The following SYNPO2 variants were observed in gnomAD, a reference collection of about 807,000 sequenced individuals.
The protein encoded by SYNPO2 is synaptopodin-2.
In SYNPO2, 56 loss-of-function variants were observed where a neutral mutation model predicts 85.0. The ratio of observed to expected loss-of-function variants is 0.66; its 90% confidence interval spans 0.53 to 0.82. The LOEUF is 0.82. SYNPO2 is among the 40% of genes least tolerant of loss of function. The pLI, the probability that SYNPO2 is intolerant of heterozygous loss-of-function variation, is 0.00. For missense variants in SYNPO2, 1,575 were observed against 1,534.2 expected (o/e 1.03, Z -0.44); for synonymous variants, 602 against 591.1 (o/e 1.02, Z -0.27).
At chr4:118,941,036 T>C (rs190786847) in intron 1 of SYNPO2, among the ~76,000 whole-genome samples, 46 of 152,278 alleles carry the variant, frequency 3.0e-4, no homozygotes, top group African/African-American at 1.1e-3. Flanking sequence ...GTAGAGCATC[T>C]CTCTTCCCTG....
At chr4:119,035,596 C>G (rs1445316708) in intron 4 of SYNPO2, 1 of 985,184 alleles carries the variant, frequency 1.0e-6, no homozygotes, top group Non-Finnish European at 1.2e-6. Flanking sequence ...TAACATATAT[C>G]AAGGCTTTGA....
At chr4:118,923,701 T>A (rs970459190) in intron 1 of SYNPO2, among the ~76,000 whole-genome samples, 1 of 152,076 alleles carries the variant, frequency 6.6e-6, no homozygotes, top group African/African-American at 2.4e-5. Context: ...AGAATGTAGA[T>A]CCTGGCTGTT....
Position 118,878,552 on chromosome 4 carries a change from G to A in SYNPO2, c.12+27612G>A, listed in dbSNP as rs56036404. Reference sequence around the variant, plus strand: ...AAGGATTGTAAACGCACCAATCCGCGCTCTGTGTCTAGCTAAAGGTTTGTA... The same window carrying A: ...AAGGATTGTAAACGCACCAATCCGCACTCTGTGTCTAGCTAAAGGTTTGTA... On this transcript the variant is annotated intron_variant, in intron 1 of 4. Transcript: ENST00000610556. Among the ~76,000 whole-genome samples the A allele has an allele frequency of 2.3e-3, 356 of 152,056 alleles. 1 individual carries two copies. Among genetic ancestry groups the A allele is most frequent in the African/African-American group, 6.8e-3 (284 of 41,468 alleles).
intron 4 of SYNPO2, among the ~76,000 whole-genome samples, chr4:119,040,012 T>C (rs1394988613): frequency 6.6e-6 from 1 of 152,184 alleles, no homozygotes; most frequent in Non-Finnish European, 1.5e-5. Context: ...AACAAAGGAT[T>C]CAGTCGCCCT....
intron 1 of SYNPO2, among the ~76,000 whole-genome samples, chr4:118,881,850 A>G (rs1356104450): frequency 6.6e-6 from 1 of 152,224 alleles, no homozygotes; most frequent in Non-Finnish European, 1.5e-5. Flanking sequence ...GGAGGTGCGC[A>G]TGTTTCATTC....
At chr4:118,988,423 G>C (rs1009353126) in intron 1 of SYNPO2, among the ~76,000 whole-genome samples, 4 of 152,048 alleles carry the variant, frequency 2.6e-5, no homozygotes, top group African/African-American at 9.7e-5. Context: ...AAAAGCAGAG[G>C]TTCCTAACAC....
At chr4:119,041,826 C>T (rs1738724160) in intron 4 of SYNPO2, among the ~76,000 whole-genome samples, 1 of 152,142 alleles carries the variant, frequency 6.6e-6, no homozygotes, top group Admixed American at 6.6e-5. Context: ...GATTTCCCCA[C>T]CTTAGAGATA....
At chr4:118,996,857 A>C (rs1331730536) in intron 1 of SYNPO2, among the ~76,000 whole-genome samples, 2 of 117,566 alleles carry the variant, frequency 1.7e-5, no homozygotes, top group Middle Eastern at 4.2e-3. Flanking sequence ...ACTCTGTCTC[A>C]AAAAAAAAAA....
At chr4:118,976,383 A>G (rs888019418) in intron 1 of SYNPO2, among the ~76,000 whole-genome samples, 3 of 152,192 alleles carry the variant, frequency 2.0e-5, no homozygotes, top group African/African-American at 7.2e-5. Context: ...AGCTCATAAA[A>G]GCAGCGTGGA....
chr4:118,962,962 C>T (rs1204391749), intron 1 of SYNPO2, among the ~76,000 whole-genome samples: 1 of 152,188 alleles, frequency 6.6e-6, no homozygotes, highest in East Asian at 1.9e-4. Context: ...AACTATACTG[C>T]AGCCACACAC....
intron 1 of SYNPO2, among the ~76,000 whole-genome samples, chr4:118,968,332 G>C (rs1306118719): frequency 1.3e-5 from 2 of 152,178 alleles, no homozygotes; most frequent in Non-Finnish European, 2.9e-5. Flanking sequence ...GTCTGGAGAC[G>C]AAATGTTTGA....
At chr4:118,851,594 T>C (rs1731421086) in intron 1 of SYNPO2, among the ~76,000 whole-genome samples, 1 of 152,228 alleles carries the variant, frequency 6.6e-6, no homozygotes, top group Non-Finnish European at 1.5e-5. Flanking sequence ...CAATTAAAAC[T>C]CATTGTTACA....
chr4:119,025,301 C>T (rs1451269949), intron 2 of SYNPO2, among the ~76,000 whole-genome samples: 1 of 152,152 alleles, frequency 6.6e-6, no homozygotes, highest in Non-Finnish European at 1.5e-5. Context: ...TTTTGGTACC[C>T]TCAAATTCAG....
Position 119,027,223 on chromosome 4 carries a change from A to G in SYNPO2, c.854A>G (p.Glu285Gly), listed in dbSNP as rs1218855850. 1 of 1,614,144 alleles carries G rather than the reference A, an allele frequency of 6.2e-7. No individual in the cohort carries two copies. Among genetic ancestry groups the G allele is most frequent in the Non-Finnish European group, 8.5e-7 (1 of 1,180,038 alleles). Residue 285 changes from glutamate to glycine, a missense_variant, in exon 3 of 5, where the codon GAA (glutamate) becomes GGA (glycine). By Grantham distance (98) the Glu-to-Gly change is moderately conservative (BLOSUM62 -2). Transcript: ENST00000307142. ...EAGDAGLPRVEVILDCSDRQK... is the reference protein window; with the variant it reads ...EAGDAGLPRVGVILDCSDRQK... The stretch of plus-strand genomic sequence containing the variant: ...GGAGATGCGGGACTGCCCCGGGTGG[A>G]AGTGATCCTCGACTGCTCTGACAGG...
chr4:118,959,722 T>C (rs575965523), intron 1 of SYNPO2, among the ~76,000 whole-genome samples: 6 of 152,228 alleles, frequency 3.9e-5, no homozygotes, highest in Admixed American at 3.9e-4. Flanking sequence ...TCTATCACCT[T>C]TTTTCTTTTT....
chr4:118,999,901 C>A (rs763422071), intron 1 of SYNPO2, among the ~76,000 whole-genome samples: 4 of 152,166 alleles, frequency 2.6e-5, no homozygotes, highest in Non-Finnish European at 5.9e-5. Flanking sequence ...ATGTTCAATA[C>A]CACCGTGTAT....
At chr4:118,916,729 C>CTTTTTTTT (rs199715189) in intron 1 of SYNPO2, among the ~76,000 whole-genome samples, 18 of 117,036 alleles carry the variant, frequency 1.5e-4, no homozygotes, top group Non-Finnish European at 2.3e-4. Flanking sequence ...ATTTTTCTTT[C>CTTTTTTTT]TTTTTTTTTT....
At chr4:119,055,363 C>T (rs1739179061) in intron 4 of SYNPO2, among the ~76,000 whole-genome samples, 1 of 152,120 alleles carries the variant, frequency 6.6e-6, no homozygotes, top group Admixed American at 6.5e-5. Context: ...CCATGTTGGC[C>T]AGGCTGGTCT....
At chr4:119,013,289 A>C (rs1341951733) in intron 1 of SYNPO2, among the ~76,000 whole-genome samples, 2 of 152,212 alleles carry the variant, frequency 1.3e-5, no homozygotes, top group Non-Finnish European at 2.9e-5. Context: ...CTGATGAAGC[A>C]GTTAAAGTTT....
Sources: gnomAD v4.1 joint callset for allele counts (sites outside exome capture counted in the v4.1 genomes callset) on GRCh38, gnomAD v4.1.1 for gene constraint, MANE v1.5 for transcripts, NCBI Gene and HGNC (gene_info 2026-07-23, HGNC 2026-07-21) for gene names.